DCC: variants seen among roughly 807,000 people sequenced by gnomAD.
DCC encodes the protein netrin receptor DCC.
A neutral mutation model predicts 172.5 loss-of-function variants in DCC; 58 were observed. That is an observed-to-expected ratio of 0.34 (90% CI 0.27 to 0.42). The LOEUF is 0.42. DCC is among the 10% of genes least tolerant of loss of function. DCC has a pLI of 1.00. For synonymous variants in DCC, 709 were observed against 644.5 expected, an observed-to-expected ratio of 1.10 and a Z score of -1.52; for missense variants, 1,740 against 1,791.0, an observed-to-expected ratio of 0.97 and a Z score of 0.51.
intron 2 of DCC, among the ~76,000 whole-genome samples, chr18:52,852,401 T>C (rs2038989179): frequency 6.6e-6 from 1 of 152,154 alleles, no homozygotes; most frequent in Non-Finnish European, 1.5e-5. Flanking sequence ...TGTTTCTCTT[T>C]AAAAAACTGC....
At chr18:53,503,998 C>A (rs2046137820) in intron 27 of DCC, among the ~76,000 whole-genome samples, 1 of 152,138 alleles carries the variant, frequency 6.6e-6, no homozygotes. Flanking sequence ...TTTGATTTTC[C>A]CCGTGCAAAT....
chr18:53,499,182 G>T, intron 26 of DCC, 116 bp from the exon 27 acceptor site: 2 of 1,007,266 alleles, frequency 2.0e-6, no homozygotes, highest in East Asian at 2.5e-5. Context: ...ACTTGGAGAA[G>T]AGACTGACCA....
chr18:53,339,971 A>G (rs1235777624), intron 15 of DCC, 64 bp downstream of exon 15: 2 of 1,462,660 alleles, frequency 1.4e-6, no homozygotes, highest in East Asian at 4.8e-5. Flanking sequence ...GAATTATTGT[A>G]TTTCTTGGAA....
At chr18:52,352,244 C>T (rs77819910) in intron 1 of DCC, among the ~76,000 whole-genome samples, 3,315 of 152,278 alleles carry the variant, frequency 0.022, 52 homozygotes, top group Non-Finnish European at 0.033. Context: ...CTACATTTAT[C>T]CCGAGGTAGT....
At chr18:52,941,943 C>T (rs554082674) in intron 5 of DCC, among the ~76,000 whole-genome samples, 79 of 152,012 alleles carry the variant, frequency 5.2e-4, no homozygotes, top group Non-Finnish European at 1.0e-3. Context: ...CCACCATGCC[C>T]GGCTAATTTT....
chr18:52,973,090 TATTC>T (rs2041056580), intron 5 of DCC, among the ~76,000 whole-genome samples: 1 of 152,242 alleles, frequency 6.6e-6, no homozygotes, highest in Non-Finnish European at 1.5e-5. Flanking sequence ...ACCTAGTAGA[TATTC>T]AATCAATGTT....
chr18:53,018,316 G>C (rs557564196), intron 5 of DCC, among the ~76,000 whole-genome samples: 6 of 152,304 alleles, frequency 3.9e-5, no homozygotes, highest in African/African-American at 1.2e-4. Flanking sequence ...CAAGCTGTCA[G>C]CTGCGTTGGT....
chr18:52,617,007 G>A (rs1248567867), intron 1 of DCC, among the ~76,000 whole-genome samples: 1 of 152,076 alleles, frequency 6.6e-6, no homozygotes, highest in African/African-American at 2.4e-5. Flanking sequence ...TAATACGCTG[G>A]GCTAATTACT....
At chr18:52,953,814 G>A (rs1397017847) in intron 5 of DCC, among the ~76,000 whole-genome samples, 1 of 152,130 alleles carries the variant, frequency 6.6e-6, no homozygotes, top group Non-Finnish European at 1.5e-5. Context: ...GTGTCTGCAC[G>A]AGTCCAAAAT....
At chr18:53,129,638 A>G (rs1295153653) in intron 7 of DCC, among the ~76,000 whole-genome samples, 1 of 152,044 alleles carries the variant, frequency 6.6e-6, no homozygotes, top group Non-Finnish European at 1.5e-5. Flanking sequence ...AGGTTCATCC[A>G]TGGTTGTGTG....
intron 25 of DCC, among the ~76,000 whole-genome samples, chr18:53,469,771 GA>G (rs201121559): frequency 0.013 from 1,995 of 151,956 alleles, 13 homozygotes; most frequent in Admixed American, 0.017. Flanking sequence ...CATATTTACT[GA>G]AAAAAATTTC....
rs528746073 is a variant in DCC, at chr18:52,926,273, G to T, written c.985+903G>T. Among the ~76,000 whole-genome samples the T allele has an allele frequency of 1.2e-3, 186 of 151,900 alleles. 1 individual carries two copies. Among genetic ancestry groups the T allele is most frequent in the South Asian group, 6.4e-3 (31 of 4,826 alleles). The stretch of plus-strand genomic sequence containing the variant: ...ACCATGATATTATTCCATCCATTTT[G>T]CTTTTTGTCTTCAAAGGTTATTCAG... On this transcript the variant is annotated intron_variant, in intron 5 of 28. Coordinates refer to ENST00000442544, the MANE Select transcript of DCC (RefSeq NM_005215.4).
intron 1 of DCC, among the ~76,000 whole-genome samples, chr18:52,541,127 T>A (rs912542566): frequency 6.6e-6 from 1 of 152,130 alleles, no homozygotes; most frequent in African/African-American, 2.4e-5. Context: ...GGCTCAGTCA[T>A]TTCACGTGAC....
chr18:52,962,807 G>A (rs1432716026), intron 5 of DCC, among the ~76,000 whole-genome samples: 2 of 152,004 alleles, frequency 1.3e-5, no homozygotes, highest in Non-Finnish European at 2.9e-5. Context: ...CCTTTGTAGG[G>A]ACATGGATGA....
chr18:53,009,164 T>C (rs1404771966), intron 5 of DCC, among the ~76,000 whole-genome samples: 1 of 151,970 alleles, frequency 6.6e-6, no homozygotes, highest in Non-Finnish European at 1.5e-5. Flanking sequence ...GACCATATGT[T>C]GATCCTATGT....
At chr18:52,920,622 G>T (rs1039762013) in intron 3 of DCC, among the ~76,000 whole-genome samples, 2 of 152,190 alleles carry the variant, frequency 1.3e-5, no homozygotes, top group Middle Eastern at 3.4e-3. Flanking sequence ...AGGACAGTTT[G>T]GCAGTTTCTC....
intron 1 of DCC, among the ~76,000 whole-genome samples, chr18:52,389,999 A>G (rs1985968393): frequency 2.0e-5 from 3 of 152,102 alleles, no homozygotes. Context: ...ACTGAGACTT[A>G]CATTACAATA....
At chr18:52,896,103 T>C (rs1221913099) in intron 2 of DCC, among the ~76,000 whole-genome samples, 1 of 152,168 alleles carries the variant, frequency 6.6e-6, no homozygotes, top group Non-Finnish European at 1.5e-5. Context: ...ATTGCTATGA[T>C]GCAAATTTCA....
intron 9 of DCC, among the ~76,000 whole-genome samples, chr18:53,193,095 A>C (rs1051756173): frequency 2.6e-5 from 4 of 152,062 alleles, no homozygotes; most frequent in Non-Finnish European, 4.4e-5. Flanking sequence ...GGAATATTCT[A>C]CCAATTGATA....
Sources: allele counts gnomAD v4.1 joint callset (sites outside exome capture counted in the v4.1 genomes callset), GRCh38; gene constraint gnomAD v4.1.1; transcripts MANE v1.5; gene names NCBI Gene and HGNC (gene_info 2026-07-23, HGNC 2026-07-21).